Variants in SYNE1 observed in about 807,000 individuals in gnomAD.
SYNE1 encodes the protein spectrin repeat containing nuclear envelope protein 1.
Under a neutral mutation model 1,111.0 loss-of-function variants are expected in SYNE1, and 616 were observed. The ratio of observed to expected loss-of-function variants is 0.55; its 90% CI spans 0.52 to 0.59. The LOEUF (loss-of-function observed/expected upper bound fraction) is 0.59, where lower values mean the gene tolerates loss of function less well. Among genes scored for constraint, SYNE1 ranks in the 20% least tolerant of loss-of-function variants. SYNE1 has a pLI of 0.00. For synonymous variants in SYNE1, 3,855 were observed against 3,825.8 expected (o/e 1.01, Z -0.28); for missense variants, 10,006 against 10,417.0 (o/e 0.96, Z 1.72).
chr6:152,275,202 C>T (rs984218511), intron 98 of SYNE1, among the ~76,000 whole-genome samples: 1 of 152,056 alleles, frequency 6.6e-6, no homozygotes, highest in Non-Finnish European at 1.5e-5. Context: ...CCACCAAGCC[C>T]TGCCAATGTA....
intron 11 of SYNE1, among the ~76,000 whole-genome samples, chr6:152,493,978 T>A (rs891545782): frequency 1.3e-5 from 2 of 152,140 alleles, no homozygotes; most frequent in Non-Finnish European, 2.9e-5. Flanking sequence ...TCTCCCTAAC[T>A]CATCCCAACC....
At chr6:152,370,566 A>G (rs2097162859) in intron 59 of SYNE1, among the ~76,000 whole-genome samples, 1 of 152,208 alleles carries the variant, frequency 6.6e-6, no homozygotes. Context: ...TAGGTGTAAA[A>G]TGTGTTTGAT....
Position 152,255,094 on chromosome 6 carries a change from AG to A in SYNE1, c.19261-6del. Reference sequence around the variant, plus strand: ...CTTAATGTCTTTGGCAAGAATCTAGAGGTGATAAAAGGGCATTTTTCAGTGT... The same window carrying A: ...CTTAATGTCTTTGGCAAGAATCTAGAGTGATAAAAGGGCATTTTTCAGTGT... On this transcript the variant is annotated splice_region_variant and splice_polypyrimidine_tract_variant and intron_variant, in intron 103 of 145. Transcript: ENST00000367255. 6.3e-7 allele frequency: 1 copy of A among 1,580,894 alleles called. No individual in the cohort carries two copies. The highest frequency in any genetic ancestry group is 8.6e-7 in the Non-Finnish European group (1 of 1,159,872).
At chr6:152,217,332 C>T (rs1240253914) in intron 121 of SYNE1, among the ~76,000 whole-genome samples, 1 of 140,482 alleles carries the variant, frequency 7.1e-6, no homozygotes, top group Non-Finnish European at 1.5e-5. Flanking sequence ...GGAGGGAGAG[C>T]TTGCAGTGAG....
At chr6:152,492,964 T>G (rs974102283) in intron 11 of SYNE1, among the ~76,000 whole-genome samples, 5 of 152,126 alleles carry the variant, frequency 3.3e-5, no homozygotes, top group African/African-American at 1.2e-4. Context: ...CCAGTTCCCT[T>G]ATTAGATCAA....
intron 87 of SYNE1, among the ~76,000 whole-genome samples, chr6:152,311,992 G>A (rs1160828369): frequency 2.0e-5 from 3 of 152,132 alleles, no homozygotes; most frequent in Non-Finnish European, 4.4e-5. Context: ...CATCGTGTTA[G>A]CCAGGATGGT....
intron 127 of SYNE1, among the ~76,000 whole-genome samples, chr6:152,194,374 A>C (rs1273369317): frequency 2.0e-5 from 3 of 152,134 alleles, no homozygotes; most frequent in Non-Finnish European, 4.4e-5. Context: ...CTGCTGCCAG[A>C]TGTACTGAAG....
chr6:152,234,892 CGA>C, intron 110 of SYNE1, 92 bp from the exon 111 acceptor site: 1 of 1,430,294 alleles, frequency 7.0e-7, no homozygotes, highest in Non-Finnish European at 9.7e-7. Flanking sequence ...AGTTTTAAAA[CGA>C]GAGGTCTGAA....
intron 11 of SYNE1, among the ~76,000 whole-genome samples, chr6:152,492,442 G>A (rs1405941277): frequency 6.6e-6 from 1 of 152,164 alleles, no homozygotes; most frequent in Non-Finnish European, 1.5e-5. Context: ...AAACCACAGT[G>A]GCCAGGCATT....
At position 152,181,623 on chromosome 6, in the gene SYNE1, T is replaced by C. The variant is rs145397554; in HGVS notation, c.23302-1329A>G. Among the ~76,000 whole-genome samples the C allele has an allele frequency of 4.2e-4, 64 of 152,354 alleles. 1 individual carries two copies. The highest frequency in any genetic ancestry group is 1.4e-3 in the African/African-American group (60 of 41,582). On this transcript the variant is annotated intron_variant, in intron 128 of 145. Coordinates refer to ENST00000367255, the MANE Select transcript of SYNE1 (RefSeq NM_182961.4). Reference sequence around the variant, plus strand: ...GCATATTTTAAAGATTCACCTATATTGTAGCATGTATCAATACTTCATTCC... The same window carrying C: ...GCATATTTTAAAGATTCACCTATATCGTAGCATGTATCAATACTTCATTCC...
intron 3 of SYNE1, among the ~76,000 whole-genome samples, chr6:152,611,535 C>G (rs9384016): frequency 0.72 from 108,473 of 151,662 alleles, 38,867 homozygotes; most frequent in East Asian, 0.81. Context: ...TAGACTCCCA[C>G]AGAATAATAA....
intron 104 of SYNE1, 67 bp from the exon 105 acceptor site, chr6:152,249,329 A>G: frequency 1.1e-6 from 1 of 900,394 alleles, no homozygotes; most frequent in South Asian, 1.3e-5. Context: ...TGTAAATATA[A>G]CACAGATTCT....
chr6:152,386,034 A>G (rs1186893056), intron 54 of SYNE1, among the ~76,000 whole-genome samples, 196 bp from the exon 55 acceptor site: 1 of 152,086 alleles, frequency 6.6e-6, no homozygotes, highest in Non-Finnish European at 1.5e-5. Flanking sequence ...AAAAGCAACT[A>G]TTTTCCTGTA....
At chr6:152,566,934 G>A (rs922498558) in intron 3 of SYNE1, among the ~76,000 whole-genome samples, 3 of 151,896 alleles carry the variant, frequency 2.0e-5, no homozygotes, top group Non-Finnish European at 4.4e-5. Flanking sequence ...GATACACATA[G>A]TGAAATAATT....
chr6:152,465,929 G>C (rs1271815116), intron 17 of SYNE1, 53 bp downstream of exon 17: 1 of 1,254,962 alleles, frequency 8.0e-7, no homozygotes, highest in Non-Finnish European at 1.2e-6. Context: ...AAACCTGCAG[G>C]CTCTAAATTC....
At position 152,398,699 on chromosome 6, in the gene SYNE1, C is replaced by T. The variant is rs966475377; in HGVS notation, c.7270G>A (p.Gly2424Arg). The change falls in exon 49 of 146, where the codon GGA becomes AGA. Residue 2424 changes from glycine (G) to arginine (R), a missense_variant. Gly to Arg is a moderately radical substitution (Grantham distance 125). Coordinates refer to ENST00000367255, the MANE Select transcript of SYNE1 (RefSeq NM_182961.4). ...GATTCTTTTGCTGCTGCCTTTGCTCCCAAAAACCATTCTTGGAATTCCTGC... is the reference window on the plus strand; with the variant it reads ...GATTCTTTTGCTGCTGCCTTTGCTCTCAAAAACCATTCTTGGAATTCCTGC... The part of the protein sequence containing the change: ...SMQEFQEWFL[G>R]AKAAAKESSD... 1 of 1,613,692 alleles carries T rather than the reference C, an allele frequency of 6.2e-7. No individual in the cohort carries two copies. Among genetic ancestry groups the T allele is most frequent in the South Asian group, 1.1e-5 (1 of 91,066 alleles).
chr6:152,253,829 T>TTG (rs2090095857), intron 104 of SYNE1, among the ~76,000 whole-genome samples: 1 of 59,656 alleles, frequency 1.7e-5, no homozygotes, highest in Non-Finnish European at 2.8e-5. Flanking sequence ...TTTTTTTTTT[T>TTG]TTTTTTTTTT....
intron 87 of SYNE1, chr6:152,315,815 A>C (rs2095702628): frequency 6.6e-6 from 1 of 152,252 alleles, no homozygotes; most frequent in Non-Finnish European, 1.5e-5. Context: ...TGTGGGAAGA[A>C]TACGCAAGAT....
At chr6:152,357,060 G>T (rs1206024356) in intron 66 of SYNE1, among the ~76,000 whole-genome samples, 1 of 152,204 alleles carries the variant, frequency 6.6e-6, no homozygotes, top group Non-Finnish European at 1.5e-5. Context: ...ACTCTTTGGA[G>T]GCAGGATGGA....
Sources: gnomAD v4.1 joint callset for allele counts (sites outside exome capture counted in the v4.1 genomes callset) on GRCh38, gnomAD v4.1.1 for gene constraint, MANE v1.5 for transcripts, NCBI Gene and HGNC (gene_info 2026-07-23, HGNC 2026-07-21) for gene names.